PPM1L: variants seen among roughly 807,000 people sequenced by gnomAD.
PPM1L encodes protein phosphatase, Mg2+/Mn2+ dependent 1L, also known as protein phosphatase 1L.
In PPM1L, 13 loss-of-function variants were observed where a neutral mutation model predicts 31.4. The ratio of observed to expected loss-of-function variants is 0.41; its 90% CI spans 0.27 to 0.66. The LOEUF (loss-of-function observed/expected upper bound fraction) is 0.66. PPM1L is among the 30% of genes least tolerant of loss of function. The pLI is 0.29. For synonymous variants in PPM1L, 184 were observed against 175.4 expected (o/e 1.05, Z -0.39); for missense variants, 326 against 453.7 (o/e 0.72, Z 2.56).
At chr3:160,876,908 C>G (rs1323485794) in intron 1 of PPM1L, among the ~76,000 whole-genome samples, 1 of 152,164 alleles carries the variant, frequency 6.6e-6, no homozygotes, top group Non-Finnish European at 1.5e-5. Flanking sequence ...ATTTTTATAT[C>G]CTTTGGGAAT....
At chr3:161,038,761 G>A (rs1440169767) in intron 2 of PPM1L, among the ~76,000 whole-genome samples, 1 of 152,050 alleles carries the variant, frequency 6.6e-6, no homozygotes, top group Non-Finnish European at 1.5e-5. Flanking sequence ...TCTGTCAGAG[G>A]CATGTGAACC....
intron 1 of PPM1L, among the ~76,000 whole-genome samples, chr3:160,943,495 A>G (rs1468915493): frequency 6.6e-6 from 1 of 152,182 alleles, no homozygotes; most frequent in East Asian, 1.9e-4. Context: ...TTGTATTTGA[A>G]AGATTATACA....
At chr3:160,972,400 C>T (rs1716378347) in intron 2 of PPM1L, among the ~76,000 whole-genome samples, 1 of 146,886 alleles carries the variant, frequency 6.8e-6, no homozygotes, top group African/African-American at 2.5e-5. Context: ...CTTCCTGTGT[C>T]CATGTGTTCT....
intron 2 of PPM1L, among the ~76,000 whole-genome samples, chr3:161,040,814 C>A (rs1342012257): frequency 6.6e-6 from 1 of 152,126 alleles, no homozygotes; most frequent in Admixed American, 6.5e-5. Context: ...TATTTTCCAA[C>A]CTGACTCTGG....
At position 160,808,390 on chromosome 3, in the gene PPM1L, T is replaced by TGTGTGTGTGTGTGTGCGCGCGCGCGCGC. The variant is rs1712693336; in HGVS notation, c.399+51698_399+51699insCGCGCGCGCGCGCGTGTGTGTGTGTGTG. On this transcript the variant is annotated intron_variant, in intron 1 of 3. Coordinates refer to ENST00000498165, the MANE Select transcript of PPM1L (RefSeq NM_139245.4). ...TGCAGTGCCAGGATTTTCCTGTGTG[T>TGTGTGTGTGTGTGTGCGCGCGCGCGCGC]GTGTGTGTGTGTGTGTGTGTGTGTG... Among the ~76,000 whole-genome samples, 13 of 146,552 alleles carry TGTGTGTGTGTGTGTGCGCGCGCGCGCGC rather than the reference T, an allele frequency of 8.9e-5. 1 individual carries two copies. The highest frequency in any genetic ancestry group is 3.3e-4 in the African/African-American group (13 of 38,880).
intron 1 of PPM1L, among the ~76,000 whole-genome samples, chr3:160,787,631 T>G (rs1336966733): frequency 6.6e-6 from 1 of 152,232 alleles, no homozygotes; most frequent in Non-Finnish European, 1.5e-5. Context: ...ATTTTTGTTT[T>G]GTTGCAATTG....
intron 1 of PPM1L, among the ~76,000 whole-genome samples, chr3:160,893,958 A>G (rs1015419100): frequency 5.3e-5 from 8 of 152,158 alleles, no homozygotes; most frequent in Admixed American, 5.2e-4. Flanking sequence ...CTTTTTTATA[A>G]AATAGGGTTT....
intron 1 of PPM1L, among the ~76,000 whole-genome samples, chr3:160,891,485 G>T (rs1713138554): frequency 6.6e-6 from 1 of 152,132 alleles, no homozygotes; most frequent in Non-Finnish European, 1.5e-5. Flanking sequence ...TTATTAAAAA[G>T]TCAGGAAACA....
chr3:160,974,253 T>G (rs1288661232), intron 2 of PPM1L, among the ~76,000 whole-genome samples: 1 of 151,670 alleles, frequency 6.6e-6, no homozygotes, highest in African/African-American at 2.4e-5. Flanking sequence ...TGCCACATTT[T>G]CTTAATCCAG....
At chr3:160,918,472 TAA>T (rs1352539313) in intron 1 of PPM1L, among the ~76,000 whole-genome samples, 1 of 152,232 alleles carries the variant, frequency 6.6e-6, no homozygotes, top group African/African-American at 2.4e-5. Context: ...ATCACATGGA[TAA>T]GAGTTTAGAG....
chr3:160,803,790 G>A (rs1357242369), intron 1 of PPM1L, among the ~76,000 whole-genome samples: 1 of 152,172 alleles, frequency 6.6e-6, no homozygotes, highest in African/African-American at 2.4e-5. Context: ...TAAGCTTTGA[G>A]CCTTCACATT....
chr3:160,855,432 C>A (rs1467962041), intron 1 of PPM1L, among the ~76,000 whole-genome samples: 1 of 152,102 alleles, frequency 6.6e-6, no homozygotes, highest in African/African-American at 2.4e-5. Context: ...ATAGAGTAAA[C>A]CAACAGCCCA....
chr3:160,916,819 G>A (rs558629231), intron 1 of PPM1L, among the ~76,000 whole-genome samples: 1 of 152,174 alleles, frequency 6.6e-6, no homozygotes, highest in Admixed American at 6.5e-5. Flanking sequence ...TAAGTCCATG[G>A]AGCTTATTGG....
intron 2 of PPM1L, among the ~76,000 whole-genome samples, chr3:161,002,116 C>T (rs973611980): frequency 2.0e-5 from 3 of 151,916 alleles, no homozygotes; most frequent in Non-Finnish European, 4.4e-5. Flanking sequence ...CGATAGTTTA[C>T]TGAGAATGAT....
At chr3:161,064,257 C>G (rs1719659661) in intron 2 of PPM1L, among the ~76,000 whole-genome samples, 1 of 150,834 alleles carries the variant, frequency 6.6e-6, no homozygotes, top group East Asian at 2.0e-4. Context: ...GTCCCAGCTA[C>G]TCCAGAGGCT....
intron 1 of PPM1L, among the ~76,000 whole-genome samples, chr3:160,854,437 A>G (rs987280005): frequency 1.3e-5 from 2 of 152,192 alleles, no homozygotes; most frequent in African/African-American, 4.8e-5. Flanking sequence ...ACAGTGAAGG[A>G]TAAGGGTGAA....
intron 1 of PPM1L, among the ~76,000 whole-genome samples, chr3:160,849,638 A>G (rs1260476422): frequency 6.6e-6 from 1 of 150,804 alleles, no homozygotes; most frequent in Non-Finnish European, 1.5e-5. Context: ...GTGAGCCAGG[A>G]TGGTCTCGAT....
At chr3:160,805,342 C>T (rs748253262) in intron 1 of PPM1L, among the ~76,000 whole-genome samples, 32 of 152,142 alleles carry the variant, frequency 2.1e-4, no homozygotes, top group Non-Finnish European at 2.8e-4. Flanking sequence ...ACAGTGGTAC[C>T]TCCACTAGGA....
chr3:160,841,121 A>G (rs993830734), intron 1 of PPM1L, among the ~76,000 whole-genome samples: 1 of 152,050 alleles, frequency 6.6e-6, no homozygotes, highest in Non-Finnish European at 1.5e-5. Flanking sequence ...TGGGGTTGGG[A>G]ATTTGGATGT....
Sources: allele counts gnomAD v4.1 joint callset (sites outside exome capture counted in the v4.1 genomes callset), GRCh38; gene constraint gnomAD v4.1.1; transcripts MANE v1.5; gene names NCBI Gene and HGNC (gene_info 2026-07-23, HGNC 2026-07-21).